The following RBFOX1 variants were observed in gnomAD, a reference collection of about 807,000 sequenced individuals.
The protein encoded by RBFOX1 is RNA binding fox-1 homolog 1.
In RBFOX1, 8 loss-of-function variants were observed where a neutral mutation model predicts 57.7. The observed-to-expected ratio is 0.14, with a 90% CI of 0.08 to 0.25. RBFOX1 has a LOEUF of 0.25. RBFOX1 is among the 10% of genes least tolerant of loss of function. The probability of loss-of-function intolerance (pLI) is 1.00; values close to 1 mark genes in which losing one functional copy is unlikely to be tolerated. For missense variants in RBFOX1, 611 were observed against 548.5 expected, an observed-to-expected ratio of 1.11 and a Z score of -1.14; for synonymous variants, 326 against 222.4, an observed-to-expected ratio of 1.47 and a Z score of -4.15.
At chr16:6,968,920 A>G (rs1290139253) in intron 3 of RBFOX1, among the ~76,000 whole-genome samples, 1 of 151,934 alleles carries the variant, frequency 6.6e-6, no homozygotes, top group South Asian at 2.1e-4. Context: ...AGCTCATTAG[A>G]GGAAAGTTCC....
intron 4 of RBFOX1, among the ~76,000 whole-genome samples, chr16:7,409,023 G>C (rs962576153): frequency 6.6e-6 from 1 of 152,092 alleles, no homozygotes; most frequent in South Asian, 2.1e-4. Flanking sequence ...TCCTGGGCTG[G>C]GCTTTTCTTC....
At chr16:6,872,791 A>G (rs1257607422) in intron 3 of RBFOX1, among the ~76,000 whole-genome samples, 2 of 152,196 alleles carry the variant, frequency 1.3e-5, no homozygotes, top group South Asian at 2.1e-4. Context: ...TAAGAGTTGA[A>G]TTGATGCCTT....
intron 3 of RBFOX1, among the ~76,000 whole-genome samples, chr16:6,839,019 C>G (rs2093305733): frequency 6.6e-6 from 1 of 151,666 alleles, no homozygotes; most frequent in African/African-American, 2.4e-5. Context: ...GAGTCTTGCT[C>G]TGTCGACGAG....
chr16:6,844,290 C>T (rs1012601538), intron 3 of RBFOX1, among the ~76,000 whole-genome samples: 1 of 152,012 alleles, frequency 6.6e-6, no homozygotes, highest in African/African-American at 2.4e-5. Flanking sequence ...CTGCACAGGT[C>T]ATCCCATCAC....
chr16:5,524,367 T>A (rs2044149602), intron 2 of RBFOX1, among the ~76,000 whole-genome samples: 1 of 152,238 alleles, frequency 6.6e-6, no homozygotes, highest in Admixed American at 6.5e-5. Flanking sequence ...GAGACACTTC[T>A]ATTAAAATTC....
At chr16:6,273,572 C>G (rs1599052662) in intron 1 of RBFOX1, among the ~76,000 whole-genome samples, 1 of 151,936 alleles carries the variant, frequency 6.6e-6, no homozygotes, top group African/African-American at 2.4e-5. Flanking sequence ...TCTGGAACTT[C>G]TGACCTCAGG....
intron 4 of RBFOX1, among the ~76,000 whole-genome samples, chr16:7,344,829 T>C (rs532552394): frequency 6.6e-6 from 1 of 152,342 alleles, no homozygotes; most frequent in African/African-American, 2.4e-5. Context: ...CTTTGGTGTC[T>C]GTCGTCTCCC....
At chr16:7,261,799 G>T (rs1471132600) in intron 4 of RBFOX1, among the ~76,000 whole-genome samples, 1 of 152,148 alleles carries the variant, frequency 6.6e-6, no homozygotes, top group African/African-American at 2.4e-5. Context: ...GAATCCCCTG[G>T]AGAGCTTTGA....
chr16:6,660,345 C>T lies in RBFOX1; in HGVS notation c.-16+5695C>T, dbSNP rs74638071. On this transcript the variant is annotated intron_variant, in intron 3 of 15. Coordinates refer to ENST00000550418, the MANE Select transcript of RBFOX1 (RefSeq NM_018723.4). ...AGGTGCAGCCAACCACTATGACACA[C>T]GATTACTTATATAACAAACCTGCAC... Among the ~76,000 whole-genome samples the T allele has an allele frequency of 9.7e-3, 1,477 of 152,154 alleles. 11 individuals are homozygous for T. The highest frequency in any genetic ancestry group is 0.013 in the Non-Finnish European group (912 of 68,004).
chr16:7,213,523 G>C (rs768177057), intron 4 of RBFOX1, among the ~76,000 whole-genome samples: 2 of 151,120 alleles, frequency 1.3e-5, no homozygotes, highest in African/African-American at 2.5e-5. Context: ...GTGGTGCATG[G>C]CTTTTCCTAA....
chr16:6,491,829 C>T (rs1403708115), intron 2 of RBFOX1, among the ~76,000 whole-genome samples: 1 of 152,004 alleles, frequency 6.6e-6, no homozygotes, highest in Non-Finnish European at 1.5e-5. Flanking sequence ...GTTTTTTTGG[C>T]CCAAAGCTAT....
intron 1 of RBFOX1, among the ~76,000 whole-genome samples, chr16:6,196,495 A>G (rs1309401750): frequency 3.9e-5 from 6 of 152,218 alleles, no homozygotes; most frequent in Non-Finnish European, 8.8e-5. Flanking sequence ...TTAACGATAA[A>G]TAATTAGCTT....
At position 5,456,418 on chromosome 16, in the gene RBFOX1, G is replaced by A. The variant is rs183483021; in HGVS notation, c.220-10798G>A. On this transcript the variant is annotated intron_variant, in intron 1 of 2. Coordinates refer to the RBFOX1 transcript ENST00000585867. ...TTCTTTTCGGGGAACGGATTTGAAA[G>A]GTTGGGTTGTGGAAATAGAATCATT... 2.0e-5 allele frequency among the ~76,000 whole-genome samples: 3 copies of A among 152,270 alleles called. No individual in the cohort carries two copies. The East Asian group carries it at 5.8e-4, about 29-fold the overall frequency.
chr16:5,995,983 G>A (rs1411558894), intron 4 of RBFOX1, among the ~76,000 whole-genome samples: 1 of 152,122 alleles, frequency 6.6e-6, no homozygotes, highest in Non-Finnish European at 1.5e-5. Flanking sequence ...TTCATAGATG[G>A]CATCTTTTTC....
At chr16:6,603,927 G>T (rs1451184680) in intron 2 of RBFOX1, among the ~76,000 whole-genome samples, 1 of 149,976 alleles carries the variant, frequency 6.7e-6, no homozygotes, top group Non-Finnish European at 1.5e-5. Context: ...GGGCGAGGGG[G>T]CTGTTCAGTG....
chr16:5,829,832 G>T (rs1043408884), intron 3 of RBFOX1, among the ~76,000 whole-genome samples: 3 of 152,108 alleles, frequency 2.0e-5, no homozygotes, highest in East Asian at 1.9e-4. Context: ...GAACCTTTTG[G>T]AAAAGCCCTC....
At chr16:6,787,217 G>C (rs2082115740) in intron 3 of RBFOX1, among the ~76,000 whole-genome samples, 1 of 152,130 alleles carries the variant, frequency 6.6e-6, no homozygotes. Flanking sequence ...AAATAAGCTG[G>C]ATAAAGCAGG....
chr16:6,249,395 G>T (rs1045428688), intron 1 of RBFOX1, among the ~76,000 whole-genome samples: 4 of 152,030 alleles, frequency 2.6e-5, no homozygotes, highest in Non-Finnish European at 4.4e-5. Flanking sequence ...CATGGTTTTG[G>T]GTGCCTGTAA....
At chr16:7,370,338 G>C (rs9941058) in intron 4 of RBFOX1, among the ~76,000 whole-genome samples, 1 of 152,164 alleles carries the variant, frequency 6.6e-6, no homozygotes, top group Non-Finnish European at 1.5e-5. Context: ...TCAGTGATGG[G>C]TAACTAGGGC....
Sources: gnomAD v4.1 joint callset for allele counts (sites outside exome capture counted in the v4.1 genomes callset) on GRCh38, gnomAD v4.1.1 for gene constraint, MANE v1.5 for transcripts, NCBI Gene and HGNC (gene_info 2026-07-23, HGNC 2026-07-21) for gene names.